Variants in SVOPL observed in about 807,000 individuals in gnomAD.
SVOPL encodes SVOP like.
In SVOPL, 60 loss-of-function variants were observed where a neutral mutation model predicts 61.0. That is an observed-to-expected ratio of 0.98 (90% CI 0.80 to 1.22). SVOPL has a LOEUF of 1.22. SVOPL is among the 50% of genes most tolerant of loss of function. SVOPL has a pLI of 0.00. For missense variants in SVOPL, 662 were observed against 643.9 expected, an observed-to-expected ratio of 1.03 and a Z score of -0.30; for synonymous variants, 279 against 250.0, an observed-to-expected ratio of 1.12 and a Z score of -1.09.
intron 13 of SVOPL, among the ~76,000 whole-genome samples, chr7:138,623,976 C>T (rs537928828): frequency 2.0e-5 from 3 of 152,200 alleles, no homozygotes; most frequent in Admixed American, 6.5e-5. Context: ...CCTGCCACCA[C>T]GCCTGGATAA....
Position 138,644,700 on chromosome 7 carries a change from CG to C in SVOPL, c.789+16del, listed in dbSNP as rs751372658. ...GGCCACTGGTGATAGGAGAAGACCT[CG>C]GGGGCCAGCACTCACCAGGACGGGC... On this transcript the variant is annotated intron_variant, in intron 9 of 15. Coordinates refer to ENST00000674285, the MANE Select transcript of SVOPL (RefSeq NM_001139456.2). 1 of 1,612,772 alleles carries C rather than the reference CG, an allele frequency of 6.2e-7. No homozygotes were observed. The highest frequency in any genetic ancestry group is 8.5e-7 in the Non-Finnish European group (1 of 1,179,324).
chr7:138,606,673 G>A (rs1010145708), intron 14 of SVOPL, among the ~76,000 whole-genome samples: 1 of 152,170 alleles, frequency 6.6e-6, no homozygotes, highest in Non-Finnish European at 1.5e-5. Context: ...AATTCTACAG[G>A]CCAGGCACAG....
chr7:138,662,333 A>G, intron 5 of SVOPL: 1 of 985,356 alleles, frequency 1.0e-6, no homozygotes, highest in Non-Finnish European at 1.2e-6. Flanking sequence ...TTCTCTTTTC[A>G]TTTGTGGCCA....
intron 5 of SVOPL, chr7:138,661,700 T>C: frequency 1.1e-6 from 1 of 886,256 alleles, no homozygotes; most frequent in Non-Finnish European, 1.4e-6. Flanking sequence ...ATGTAAATTA[T>C]TAGTAAATAA....
intron 10 of SVOPL, among the ~76,000 whole-genome samples, chr7:138,629,237 ATT>A (rs34587301): frequency 7.1e-6 from 1 of 140,126 alleles, no homozygotes. Context: ...GCTCTTCATG[ATT>A]TTTTTTTTTT....
intron 9 of SVOPL, among the ~76,000 whole-genome samples, 187 bp downstream of exon 9, chr7:138,644,530 G>C (rs1293415117): frequency 6.6e-6 from 1 of 152,196 alleles, no homozygotes; most frequent in African/African-American, 2.4e-5. Flanking sequence ...AACAAAGATA[G>C]GTAACTCACT....
chr7:138,625,154 C>G (rs1407703255), intron 13 of SVOPL: 1 of 152,172 alleles, frequency 6.6e-6, no homozygotes, highest in Non-Finnish European at 1.5e-5. Context: ...TATAAATCAA[C>G]TTTAGATTTT....
Position 138,672,904 on chromosome 7 carries a change from CAA to C in SVOPL, c.175-789_175-788del, listed in dbSNP as rs71179720. On this transcript the variant is annotated intron_variant, in intron 3 of 15. Transcript: ENST00000674285. ...CCGTTATAGGGATAAGTTTGTCTCT[CAA>C]AAAAAAAAAAAAAAAAAGAAGGAGA... Among the ~76,000 whole-genome samples the C allele has an allele frequency of 4.7e-3, 492 of 103,654 alleles. 5 individuals are homozygous for C. Among genetic ancestry groups the C allele is most frequent in the African/African-American group, 0.012 (363 of 30,502 alleles). The allele number at this position is 103,654 out of a possible 152,430, so 68.0% of individuals were successfully genotyped here.
chr7:138,682,124 C>A (rs1316318879), intron 1 of SVOPL, among the ~76,000 whole-genome samples: 1 of 152,132 alleles, frequency 6.6e-6, no homozygotes, highest in Non-Finnish European at 1.5e-5. Context: ...ATAAAGCTAA[C>A]ATATGCAGAG....
chr7:138,661,357 C>T (rs1801991222), intron 5 of SVOPL: 1 of 985,382 alleles, frequency 1.0e-6, no homozygotes, highest in South Asian at 4.7e-5. Context: ...AATGTCCACA[C>T]TCTAATATGT....
intron 3 of SVOPL, among the ~76,000 whole-genome samples, chr7:138,675,288 G>A (rs1802531155): frequency 6.6e-6 from 1 of 152,106 alleles, no homozygotes; most frequent in African/African-American, 2.4e-5. Context: ...GCCTGAGAAT[G>A]CAACACTTTT....
At chr7:138,688,277 T>G (rs1430171924) in intron 1 of SVOPL, among the ~76,000 whole-genome samples, 1 of 150,276 alleles carries the variant, frequency 6.7e-6, no homozygotes, top group Admixed American at 6.7e-5. Flanking sequence ...ATTTTGGGGT[T>G]TTTTTTTTTG....
At chr7:138,620,560 C>A (rs1628052) in intron 14 of SVOPL, among the ~76,000 whole-genome samples, 1 of 151,476 alleles carries the variant, frequency 6.6e-6, no homozygotes, top group Admixed American at 6.6e-5. Context: ...CTGAAACAAG[C>A]CTCCATCCAC....
chr7:138,676,139 A>G (rs979614262), intron 3 of SVOPL, among the ~76,000 whole-genome samples: 1 of 152,096 alleles, frequency 6.6e-6, no homozygotes, highest in Non-Finnish European at 1.5e-5. Context: ...CCTGGTCTGG[A>G]GTTCTTAACG....
intron 14 of SVOPL, among the ~76,000 whole-genome samples, chr7:138,602,805 C>T (rs1280591232): frequency 1.3e-5 from 2 of 152,016 alleles, no homozygotes; most frequent in Non-Finnish European, 2.9e-5. Context: ...CCTGCTCTCC[C>T]AGGACCTCAA....
At chr7:138,597,034 G>T in intron 14 of SVOPL, 1 of 1,156,500 alleles carries the variant, frequency 8.6e-7, no homozygotes, top group Non-Finnish European at 1.1e-6. Flanking sequence ...TTATGGAGTT[G>T]TGTGACACCA....
intron 3 of SVOPL, among the ~76,000 whole-genome samples, chr7:138,675,344 C>T (rs1254747286): frequency 6.6e-6 from 1 of 152,022 alleles, no homozygotes; most frequent in African/African-American, 2.4e-5. Context: ...TCACACAACC[C>T]TTTATTTTTT....
chr7:138,596,988 GTC>G (rs1798306608), intron 14 of SVOPL: 1 of 1,137,962 alleles, frequency 8.8e-7, no homozygotes, highest in African/African-American at 1.6e-5. Flanking sequence ...TTATCTCAGA[GTC>G]TCTGAAAGGA....
intron 7 of SVOPL, among the ~76,000 whole-genome samples, chr7:138,650,585 G>T (rs1801375855): frequency 6.7e-6 from 1 of 148,932 alleles, no homozygotes; most frequent in African/African-American, 2.5e-5. Context: ...TGAGGTAGGG[G>T]AATCACTTGA....
Sources: allele counts gnomAD v4.1 joint callset (sites outside exome capture counted in the v4.1 genomes callset), GRCh38; gene constraint gnomAD v4.1.1; transcripts MANE v1.5; gene names NCBI Gene and HGNC (gene_info 2026-07-23, HGNC 2026-07-21).